Variants in RAB38 observed in about 807,000 individuals in gnomAD.
RAB38 encodes the protein RAB38, member RAS oncogene family, also known as ras-related protein Rab-38.
In RAB38, 15 loss-of-function variants were observed where a neutral mutation model predicts 18.4. The ratio of observed to expected loss-of-function variants is 0.82; its 90% CI spans 0.55 to 1.26. RAB38 has a LOEUF of 1.26. Ranked by LOEUF, RAB38 falls within the 50% of genes most tolerant of loss-of-function variation. The pLI, the probability that RAB38 is intolerant of heterozygous loss-of-function variation, is 0.00. For missense variants in RAB38, 294 were observed against 267.4 expected (o/e 1.10, Z -0.69); for synonymous variants, 101 against 104.4 (o/e 0.97, Z 0.20).
At chr11:88,168,605 T>C (rs1412351777) in intron 1 of RAB38, among the ~76,000 whole-genome samples, 1 of 152,176 alleles carries the variant, frequency 6.6e-6, no homozygotes, top group African/African-American at 2.4e-5. Context: ...GCTTATCAAG[T>C]GAATTAATAA....
chr11:87,820,351 T>C, the RAB38 span, among the ~76,000 whole-genome samples: 8 of 152,152 alleles, frequency 5.3e-5, no homozygotes, highest in Admixed American at 4.6e-4. Flanking sequence ...AACAAACCAA[T>C]AAAATCTTTC....
At chr11:88,042,713 C>A in the RAB38 span, among the ~76,000 whole-genome samples, 1 of 152,082 alleles carries the variant, frequency 6.6e-6, no homozygotes, top group Non-Finnish European at 1.5e-5. Flanking sequence ...AGAGATCAAG[C>A]CAGAGGAGAG....
chr11:88,060,970 C>T, the RAB38 span, among the ~76,000 whole-genome samples: 35 of 152,052 alleles, frequency 2.3e-4, no homozygotes, highest in Admixed American at 2.6e-4. Context: ...ACTTTGGAAT[C>T]GGGGGAAAGA....
chr11:87,840,073 C>G, the RAB38 span, among the ~76,000 whole-genome samples: 1 of 152,080 alleles, frequency 6.6e-6, no homozygotes, highest in Non-Finnish European at 1.5e-5. Context: ...AATGCAAATT[C>G]TCTTACACAA....
At chr11:87,936,989 G>T in the RAB38 span, among the ~76,000 whole-genome samples, 87,479 of 151,616 alleles carry the variant, frequency 0.58, 26,296 homozygotes, top group African/African-American at 0.73. Context: ...CTACAATGGC[G>T]AGAACTTTTA....
the RAB38 span, among the ~76,000 whole-genome samples, chr11:87,940,974 G>C: frequency 6.6e-6 from 1 of 151,472 alleles, no homozygotes; most frequent in African/African-American, 2.4e-5. Flanking sequence ...AAAATTTGCT[G>C]AACACTCCTT....
the RAB38 span, among the ~76,000 whole-genome samples, chr11:87,951,215 G>T: frequency 8.0e-4 from 122 of 152,080 alleles, no homozygotes; most frequent in Non-Finnish European, 1.3e-3. Flanking sequence ...CATAGCTCTC[G>T]TGCCTTGGTT....
the RAB38 span, among the ~76,000 whole-genome samples, chr11:87,942,588 C>T: frequency 2.0e-5 from 3 of 152,108 alleles, no homozygotes; most frequent in Non-Finnish European, 4.4e-5. Flanking sequence ...TTGAGGGGCA[C>T]TGTCTCAAAA....
chr11:88,146,466 T>C (rs549317192), intron 2 of RAB38, among the ~76,000 whole-genome samples: 1 of 152,128 alleles, frequency 6.6e-6, no homozygotes, highest in South Asian at 2.1e-4. Flanking sequence ...AAAAGAAGGA[T>C]ACCTATGGGA....
At chr11:87,859,617 G>A in the RAB38 span, among the ~76,000 whole-genome samples, 2 of 152,080 alleles carry the variant, frequency 1.3e-5, no homozygotes, top group South Asian at 4.1e-4. Flanking sequence ...GATATCTTTT[G>A]GTTGTGATTG....
chr11:87,909,900 T>G, the RAB38 span, among the ~76,000 whole-genome samples: 1 of 152,112 alleles, frequency 6.6e-6, no homozygotes, highest in Admixed American at 6.6e-5. Context: ...TATAAACATA[T>G]GCATTAATTT....
chr11:87,811,204 G>C, the RAB38 span, among the ~76,000 whole-genome samples: 1 of 152,100 alleles, frequency 6.6e-6, no homozygotes, highest in East Asian at 1.9e-4. Flanking sequence ...TTTTCTAGTG[G>C]AGTGTCCCTG....
the RAB38 span, among the ~76,000 whole-genome samples, chr11:87,889,316 A>T: frequency 2.0e-5 from 3 of 151,662 alleles, no homozygotes; most frequent in African/African-American, 7.3e-5. Flanking sequence ...AGCACACATG[A>T]CCTCCCAAAT....
chr11:87,872,117 T>G, the RAB38 span, among the ~76,000 whole-genome samples: 1 of 151,622 alleles, frequency 6.6e-6, no homozygotes, highest in Non-Finnish European at 1.5e-5. Context: ...TCTATTTACC[T>G]GCTGTCTTCA....
intron 1 of RAB38, among the ~76,000 whole-genome samples, chr11:88,160,864 A>C (rs767795878): frequency 1.3e-5 from 2 of 151,982 alleles, no homozygotes; most frequent in Non-Finnish European, 2.9e-5. Flanking sequence ...AGGTTGAAAA[A>C]CTATTGGGTA....
chr11:87,888,166 A>G, the RAB38 span, among the ~76,000 whole-genome samples: 1 of 151,980 alleles, frequency 6.6e-6, no homozygotes, highest in Non-Finnish European at 1.5e-5. Flanking sequence ...GCTGACAAAG[A>G]CATCGAGTGA....
chr11:87,806,490 T>C, the RAB38 span, among the ~76,000 whole-genome samples: 2 of 152,298 alleles, frequency 1.3e-5, no homozygotes, highest in African/African-American at 4.8e-5. Flanking sequence ...TCTCTAATAC[T>C]GTTACATTGG....
chr11:87,826,040 G>C, the RAB38 span, among the ~76,000 whole-genome samples: 1 of 152,182 alleles, frequency 6.6e-6, no homozygotes, highest in Middle Eastern at 3.4e-3. Flanking sequence ...TTGGGTAGTA[G>C]TGCAAGAATG....
At chr11:87,846,414 G>T in the RAB38 span, among the ~76,000 whole-genome samples, 36,567 of 151,866 alleles carry the variant, frequency 0.24, 5,614 homozygotes, top group African/African-American at 0.43. Context: ...CGATATGAAA[G>T]ACAAATAGTA....
Sources: allele counts gnomAD v4.1 joint callset (sites outside exome capture counted in the v4.1 genomes callset), GRCh38; gene constraint gnomAD v4.1.1; transcripts MANE v1.5; gene names NCBI Gene and HGNC (gene_info 2026-07-23, HGNC 2026-07-21).